The following CUX2 variants were observed in gnomAD, a reference collection of about 807,000 sequenced individuals.
CUX2 encodes the protein cut like homeobox 2, also known as homeobox protein cut-like 2.
A neutral mutation model predicts 144.8 loss-of-function variants in CUX2; 40 were observed. The ratio of observed to expected loss-of-function variants is 0.28; its 90% CI spans 0.21 to 0.36. CUX2 has a LOEUF of 0.36. Ranked by LOEUF, CUX2 falls within the 10% of genes least tolerant of loss-of-function variation. The pLI is 1.00. For missense variants in CUX2, 1,615 were observed against 1,994.0 expected (o/e 0.81, Z 3.62); for synonymous variants, 827 against 875.6 (o/e 0.94, Z 0.98).
intron 1 of CUX2, among the ~76,000 whole-genome samples, chr12:111,193,146 G>A (rs548340751): frequency 2.0e-4 from 30 of 152,304 alleles, no homozygotes; most frequent in African/African-American, 7.2e-4. Flanking sequence ...GGTGGTCAGG[G>A]TGGCGGAAAA....
chr12:111,125,316 A>T (rs1286148821), intron 1 of CUX2, among the ~76,000 whole-genome samples: 1 of 151,354 alleles, frequency 6.6e-6, no homozygotes, highest in Admixed American at 6.6e-5. Flanking sequence ...AGTAGCTGGG[A>T]CTCCAGGCAC....
At chr12:111,258,725 G>A (rs934522129) in intron 3 of CUX2, among the ~76,000 whole-genome samples, 8 of 151,964 alleles carry the variant, frequency 5.3e-5, no homozygotes, top group Non-Finnish European at 1.2e-4. Flanking sequence ...TCATTCTATT[G>A]CTCAGGCTGA....
At chr12:111,336,059 G>C (rs901543129) in intron 19 of CUX2, among the ~76,000 whole-genome samples, 2 of 152,188 alleles carry the variant, frequency 1.3e-5, no homozygotes, top group African/African-American at 4.8e-5. Flanking sequence ...GGTCTGAGAG[G>C]ACCTGGAATT....
chr12:111,322,975 A>G lies in CUX2; in HGVS notation c.2926+395A>G, dbSNP rs1887607196. On this transcript the variant is annotated intron_variant, in intron 18 of 21. Transcript: ENST00000261726. This position sits in a 1 kb window ranked among gnomAD's most constrained non-coding sequence, Gnocchi z 4.2. ...GCAGCCTCAGACTCCTTCTTAGCACAGGGCCTTGGGCAGTGCCACCCAGCT... is the reference window on the plus strand; with the variant it reads ...GCAGCCTCAGACTCCTTCTTAGCACGGGGCCTTGGGCAGTGCCACCCAGCT... Among the ~76,000 whole-genome samples the G allele has an allele frequency of 6.6e-6, 1 of 152,218 alleles. No individual in the cohort carries two copies. The highest frequency in any genetic ancestry group is 2.4e-5 in the African/African-American group (1 of 41,458).
chr12:111,185,949 CTG>C (rs765790466), intron 1 of CUX2, among the ~76,000 whole-genome samples: 3 of 151,730 alleles, frequency 2.0e-5, no homozygotes, highest in Non-Finnish European at 2.9e-5. Context: ...CTGTTTGTCT[CTG>C]TGCCTGTCTC....
intron 1 of CUX2, among the ~76,000 whole-genome samples, chr12:111,053,164 G>A (rs1870360580): frequency 6.6e-6 from 1 of 152,214 alleles, no homozygotes; most frequent in African/African-American, 2.4e-5. Flanking sequence ...ATCTCCACAT[G>A]GAGGAAATGA....
chr12:111,132,105 T>A (rs2059288815), intron 1 of CUX2, among the ~76,000 whole-genome samples: 1 of 152,178 alleles, frequency 6.6e-6, no homozygotes, highest in Admixed American at 6.5e-5. Flanking sequence ...TTTCCATACA[T>A]CTTCTGAAAT....
At position 111,246,220 on chromosome 12, in the gene CUX2, G is replaced by T. The variant is rs772510862; in HGVS notation, c.223-17541G>T. Among the ~76,000 whole-genome samples, 1 of 152,156 alleles carries T rather than the reference G, an allele frequency of 6.6e-6. No homozygotes were observed. Among genetic ancestry groups the T allele is most frequent in the Non-Finnish European group, 1.5e-5 (1 of 68,020 alleles). ...TGACACAGAGATTCATATAGTGAACGCCACCATCAGTGACACTGATTGCAT... is the reference window on the plus strand; with the variant it reads ...TGACACAGAGATTCATATAGTGAACTCCACCATCAGTGACACTGATTGCAT... On this transcript the variant is annotated intron_variant, in intron 3 of 21. Transcript: ENST00000261726. This position sits in a 1 kb window ranked among gnomAD's most constrained non-coding sequence, Gnocchi z 4.0.
At position 111,320,192 on chromosome 12, in the gene CUX2, C is replaced by G; in HGVS notation, c.2183C>G (p.Pro728Arg). Residue 728 changes from proline to arginine, a missense_variant, in exon 17 of 22, where the codon CCG becomes CGG. Physicochemically the swap from Pro to Arg is moderately radical, Grantham distance 103. This residue lies in a region of CUX2 where 390 missense variants were observed against 387.1 expected (regional missense o/e 1.01). Transcript: ENST00000261726. This position sits in a 1 kb window ranked among gnomAD's most constrained non-coding sequence, Gnocchi z 8.1. ...GGCCGCTCGGTGCCCCCCTCGCCCC[C>G]GGAGCGGCCATCACTGGCCACCGCG... ...PRGRSVPPSPPERPSLATASQ... is the reference protein window; with the variant it reads ...PRGRSVPPSPRERPSLATASQ... 1 of 1,532,762 alleles carries G rather than the reference C, an allele frequency of 6.5e-7. No homozygotes were observed. Among genetic ancestry groups the G allele is most frequent in the Non-Finnish European group, 8.7e-7 (1 of 1,145,828 alleles). 94.9% of individuals were successfully genotyped at this position (1,532,762 alleles called of 1,614,324 possible).
At chr12:111,290,532 A>G (rs1450567415) in intron 4 of CUX2, among the ~76,000 whole-genome samples, 1 of 151,676 alleles carries the variant, frequency 6.6e-6, no homozygotes, top group African/African-American at 2.4e-5. Context: ...GGTTCAAGTG[A>G]TTCTCCTGCC....
chr12:111,279,326 G>A lies in CUX2; in HGVS notation c.302-12092G>A, dbSNP rs1592911535. Among the ~76,000 whole-genome samples the A allele has an allele frequency of 3.3e-5, 5 of 152,264 alleles. 1 individual carries two copies. The highest frequency in any genetic ancestry group is 3.3e-4 in the Admixed American group (5 of 15,300). ...GACTTGGAGCCTTGGCAGTTCCTCGGTCCTGCCTGTCTCACAGTTTGTATT... is the reference window on the plus strand; with the variant it reads ...GACTTGGAGCCTTGGCAGTTCCTCGATCCTGCCTGTCTCACAGTTTGTATT... On this transcript the variant is annotated intron_variant, in intron 4 of 21. Transcript: ENST00000261726.
intron 1 of CUX2, among the ~76,000 whole-genome samples, chr12:111,120,125 C>T (rs913844000): frequency 6.6e-6 from 1 of 152,184 alleles, no homozygotes; most frequent in Non-Finnish European, 1.5e-5. Context: ...CCCCACATCC[C>T]CATGGCCTTG....
intron 1 of CUX2, among the ~76,000 whole-genome samples, chr12:111,036,381 AG>A (rs1311377445): frequency 6.6e-6 from 1 of 152,208 alleles, no homozygotes; most frequent in East Asian, 1.9e-4. Flanking sequence ...TGTCTGAACT[AG>A]GGAGGTTGGA....
At chr12:111,158,802 C>A (rs1433387693) in intron 1 of CUX2, among the ~76,000 whole-genome samples, 1 of 152,090 alleles carries the variant, frequency 6.6e-6, no homozygotes, top group Non-Finnish European at 1.5e-5. Context: ...GATTTTTGGC[C>A]CGGTCAGCCC....
At chr12:111,173,675 T>G (rs1443064219) in intron 1 of CUX2, among the ~76,000 whole-genome samples, 4 of 152,186 alleles carry the variant, frequency 2.6e-5, no homozygotes, top group Non-Finnish European at 4.4e-5. Flanking sequence ...CTGGAAGTAA[T>G]GTTTAAGCTG....
intron 4 of CUX2, among the ~76,000 whole-genome samples, chr12:111,272,141 A>G (rs762940427): frequency 2.0e-4 from 30 of 152,222 alleles, no homozygotes; most frequent in Non-Finnish European, 3.7e-4. Context: ...CAGCTGAAAT[A>G]TAATAGATAT....
At chr12:111,079,284 TCCTCTGGTAG>T (rs1871723379) in intron 1 of CUX2, among the ~76,000 whole-genome samples, 2 of 152,342 alleles carry the variant, frequency 1.3e-5, no homozygotes, top group Admixed American at 1.3e-4. Context: ...ATTTACTTTC[TCCTCTGGTAG>T]CCTCTGAGTT....
chr12:111,200,188 T>C (rs1880493493), intron 1 of CUX2, among the ~76,000 whole-genome samples: 1 of 151,924 alleles, frequency 6.6e-6, no homozygotes, highest in Non-Finnish European at 1.5e-5. Context: ...GTCTTTGAAC[T>C]CTCCCACAGC....
chr12:111,173,226 G>A (rs746752578), intron 1 of CUX2, among the ~76,000 whole-genome samples: 19 of 152,200 alleles, frequency 1.2e-4, no homozygotes, highest in Non-Finnish European at 1.9e-4. Context: ...TGATGTTCTT[G>A]TTGTTCTAAT....
Sources: allele counts gnomAD v4.1 joint callset (sites outside exome capture counted in the v4.1 genomes callset), GRCh38; gene constraint gnomAD v4.1.1; regional missense constraint gnomAD v4.1.1; non-coding constraint Gnocchi (gnomAD v3.1); transcripts MANE v1.5; gene names NCBI Gene and HGNC (gene_info 2026-07-23, HGNC 2026-07-21).